The following DOCK7 variants were observed in gnomAD, a reference collection of about 807,000 sequenced individuals.
The protein encoded by DOCK7 is dedicator of cytokinesis protein 7.
A neutral mutation model predicts 271.0 loss-of-function variants in DOCK7; 138 were observed. That is an observed-to-expected ratio of 0.51 (90% CI 0.44 to 0.59). DOCK7 has a LOEUF of 0.59. Ranked by LOEUF, DOCK7 falls within the 20% of genes least tolerant of loss-of-function variation. The probability of loss-of-function intolerance (pLI) is 0.00; values close to 1 mark genes in which losing one functional copy is unlikely to be tolerated. For missense variants in DOCK7, 2,066 were observed against 2,592.4 expected (o/e 0.80, Z 4.41); for synonymous variants, 823 against 876.1 (o/e 0.94, Z 1.07).
chr1:62,683,819 T>C (rs538407246), intron 1 of DOCK7, among the ~76,000 whole-genome samples: 1 of 151,610 alleles, frequency 6.6e-6, no homozygotes, highest in East Asian at 1.9e-4. Flanking sequence ...TCCCAGCTAC[T>C]TGGGAGGCTG....
intron 2 of DOCK7, among the ~76,000 whole-genome samples, chr1:62,661,972 T>G (rs887563800): frequency 1.3e-5 from 2 of 152,182 alleles, no homozygotes; most frequent in Non-Finnish European, 2.9e-5. Flanking sequence ...ATTCTAAAAT[T>G]TCTGCAATTA....
chr1:62,590,931 C>T (rs1648345647), intron 14 of DOCK7, among the ~76,000 whole-genome samples: 2 of 152,096 alleles, frequency 1.3e-5, no homozygotes, highest in East Asian at 1.9e-4. Context: ...AGCAGTATGG[C>T]GATTCCTCAA....
At chr1:62,458,770 A>T (rs1311101710) in intron 48 of DOCK7, 1 of 152,104 alleles carries the variant, frequency 6.6e-6, no homozygotes, top group Non-Finnish European at 1.5e-5. Context: ...TGACCTCGTG[A>T]TCCACCCGCC....
Position 62,505,854 on chromosome 1 carries a change from C to T in DOCK7, c.4477-38G>A, listed in dbSNP as rs911270730. The T allele has an allele frequency of 3.8e-6, 6 of 1,594,324 alleles. No individual in the cohort carries two copies. In the African/African-American group the frequency reaches 5.4e-5, roughly 14 times the overall value. On this transcript the variant is annotated intron_variant, in intron 35 of 49. Transcript: ENST00000635253. The stretch of plus-strand genomic sequence containing the variant: ...AATAAACAAATAAAATAGAGATGTA[C>T]TTGCAATTTAGTTATGGATGTTACA...
chr1:62,651,084 G>A (rs1657289731), intron 4 of DOCK7, among the ~76,000 whole-genome samples: 1 of 151,826 alleles, frequency 6.6e-6, no homozygotes, highest in African/African-American at 2.4e-5. Context: ...AGAAAATGTG[G>A]CACATATACA....
chr1:62,633,605 T>C, intron 9 of DOCK7, 27 bp from the exon 10 acceptor site: 3 of 1,549,400 alleles, frequency 1.9e-6, no homozygotes, highest in Non-Finnish European at 2.7e-6. Flanking sequence ...AAGTTAAGAT[T>C]AAGCTTTTAA....
chr1:62,685,347 G>C (rs920350295), intron 1 of DOCK7, among the ~76,000 whole-genome samples: 1 of 152,130 alleles, frequency 6.6e-6, no homozygotes, highest in African/African-American at 2.4e-5. Flanking sequence ...TCCTCTAATA[G>C]AAAAGTTAAA....
intron 41 of DOCK7, chr1:62,492,407 GCCTCTCAAGTAGC>G: frequency 3.4e-6 from 1 of 295,098 alleles, no homozygotes. Flanking sequence ...TCCCACCTCA[GCCTCTCAAGTAGC>G]TGGGACCACA....
chr1:62,500,476 C>A (rs535089654), intron 37 of DOCK7, among the ~76,000 whole-genome samples: 14 of 151,872 alleles, frequency 9.2e-5, no homozygotes, highest in Non-Finnish European at 1.9e-4. Flanking sequence ...CACAGAAACC[C>A]CAAACACAGG....
chr1:62,470,396 A>G (rs1016109267), intron 48 of DOCK7, among the ~76,000 whole-genome samples: 1 of 152,178 alleles, frequency 6.6e-6, no homozygotes, highest in African/African-American at 2.4e-5. Context: ...CAATGATACA[A>G]TGGACTTTGA....
chr1:62,604,008 T>C (rs1321160240), intron 14 of DOCK7: 1 of 1,612,976 alleles, frequency 6.2e-7, no homozygotes, highest in East Asian at 2.2e-5. Context: ...TACTCCATAG[T>C]GAAGCAATCT....
At position 62,552,856 on chromosome 1, in the gene DOCK7, C is replaced by T; in HGVS notation, c.2642G>A (p.Arg881Lys). The T allele has an allele frequency of 6.2e-7, 1 of 1,613,734 alleles. No individual in the cohort carries two copies. Among genetic ancestry groups the T allele is most frequent in the Non-Finnish European group, 8.5e-7 (1 of 1,179,882 alleles). ...GGSVHYATMA[R>K]SAVRPASLNL... is the part of the protein sequence containing the mutation. Reference sequence around the variant, plus strand: ...AAGGCTTGCAGGTCTCACCGCAGATCTAGCCATTGTGGCATAATGCACTGA... The same window carrying T: ...AAGGCTTGCAGGTCTCACCGCAGATTTAGCCATTGTGGCATAATGCACTGA... Residue 881 changes from arginine (R) to lysine (K), a missense_variant, in exon 22 of 50, where the codon AGA (arginine) becomes AAA (lysine). Physicochemically the swap from Arg to Lys is conservative, Grantham distance 26. Around this residue, in one of 2 missense-constraint regions of DOCK7, gnomAD observed 1,414 missense variants for 1,670.4 expected, o/e 0.85. Transcript: ENST00000635253.
At chr1:62,586,294 G>A (rs1647514249) in intron 15 of DOCK7, among the ~76,000 whole-genome samples, 1 of 151,934 alleles carries the variant, frequency 6.6e-6, no homozygotes, top group Admixed American at 6.6e-5. Flanking sequence ...ATTCATCTTT[G>A]TATTTCTAGG....
rs746518826 is a variant in DOCK7, at chr1:62,505,813, C to T, written c.4480G>A (p.Val1494Ile). 26 of 1,607,250 alleles carry T rather than the reference C, an allele frequency of 1.6e-5. No individual in the cohort carries two copies. The highest frequency in any genetic ancestry group is 1.5e-4 in the African/African-American group (11 of 74,500). ...CTCTCTTTGGATTCCGTTACAGAAA[C>T]GGTCTGCAATTTAAAAATAAACAAA... Reference protein sequence around the residue: ...LDTLEIVVQTVSVTESKESIL... With the variant: ...LDTLEIVVQTISVTESKESIL... The change falls in exon 36 of 50, where the codon GTT becomes ATT. Residue 1494 changes from valine to isoleucine, a missense_variant. By Grantham distance (29) the Val-to-Ile change is conservative. Transcript: ENST00000635253.
chr1:62,478,779 G>A (rs1257308656), intron 43 of DOCK7: 1 of 152,058 alleles, frequency 6.6e-6, no homozygotes. Context: ...AAATCTATGA[G>A]TGAAAGATAA....
chr1:62,666,433 T>A lies in DOCK7; in HGVS notation c.39-3303A>T, dbSNP rs151026186. ...ATTAATTTCCCCCCAAAAAAGAAAATCTATTAATTTGAAAATAAGTTGTGA... is the reference window on the plus strand; with the variant it reads ...ATTAATTTCCCCCCAAAAAAGAAAAACTATTAATTTGAAAATAAGTTGTGA... On this transcript the variant is annotated intron_variant, in intron 1 of 49. Transcript: ENST00000635253. 3.8e-3 allele frequency among the ~76,000 whole-genome samples: 582 copies of A among 152,126 alleles called. 6 individuals are homozygous for A. Among genetic ancestry groups the A allele is most frequent in the African/African-American group, 0.013 (529 of 41,490 alleles).
intron 29 of DOCK7, among the ~76,000 whole-genome samples, chr1:62,534,124 G>A (rs892959020): frequency 2.6e-5 from 4 of 151,916 alleles, no homozygotes; most frequent in African/African-American, 7.3e-5. Flanking sequence ...CCAGCCTCCC[G>A]AGCAGCTGGG....
At chr1:62,520,807 T>C (rs955460329) in intron 31 of DOCK7, among the ~76,000 whole-genome samples, 5 of 152,236 alleles carry the variant, frequency 3.3e-5, no homozygotes, top group African/African-American at 1.2e-4. Context: ...TGCACCTGTA[T>C]GTTTACTGTG....
At chr1:62,498,351 ATC>A (rs1396038371) in intron 37 of DOCK7, among the ~76,000 whole-genome samples, 1 of 152,222 alleles carries the variant, frequency 6.6e-6, no homozygotes, top group African/African-American at 2.4e-5. Context: ...CCATTTAGCC[ATC>A]TGATTGGGTA....
Sources: gnomAD v4.1 joint callset for allele counts (sites outside exome capture counted in the v4.1 genomes callset) on GRCh38, gnomAD v4.1.1 for gene constraint, gnomAD v4.1.1 regional missense constraint, MANE v1.5 for transcripts, NCBI Gene and HGNC (gene_info 2026-07-23, HGNC 2026-07-21) for gene names.